Variants in MS4A4A observed in about 807,000 individuals in gnomAD.
MS4A4A encodes the protein membrane-spanning 4-domains subfamily A member 4A.
In MS4A4A, 26 loss-of-function variants were observed where a neutral mutation model predicts 28.0. The ratio of observed to expected loss-of-function variants is 0.93; its 90% CI spans 0.68 to 1.29. The LOEUF is 1.29. MS4A4A is among the 50% of genes most tolerant of loss of function. The pLI, the probability that MS4A4A is intolerant of heterozygous loss-of-function variation, is 0.00. For synonymous variants in MS4A4A, 86 were observed against 100.8 expected (o/e 0.85, Z 0.88); for missense variants, 290 against 293.1 (o/e 0.99, Z 0.08).
chr11:60,300,972 T>C (rs1439945449), intron 3 of MS4A4A, 29 bp from the exon 4 acceptor site: 1 of 1,557,092 alleles, frequency 6.4e-7, no homozygotes, highest in Admixed American at 1.8e-5. Context: ...CTTAAAGTTT[T>C]TTACCTTCAT....
intron 2 of MS4A4A, among the ~76,000 whole-genome samples, chr11:60,294,909 T>A (rs1476672603): frequency 1.5e-5 from 2 of 136,304 alleles, no homozygotes; most frequent in Non-Finnish European, 3.2e-5. Context: ...CTTCTTCTTC[T>A]TCTTCTTCTT....
chr11:60,294,136 T>C (rs1343860294), intron 2 of MS4A4A, among the ~76,000 whole-genome samples: 4 of 152,234 alleles, frequency 2.6e-5, no homozygotes, highest in Admixed American at 2.6e-4. Flanking sequence ...GCCAGTGTTC[T>C]GGATTTTTAC....
chr11:60,303,455 C>T (rs1032840326), intron 5 of MS4A4A, among the ~76,000 whole-genome samples: 3 of 152,152 alleles, frequency 2.0e-5, no homozygotes, highest in East Asian at 1.9e-4. Flanking sequence ...CGCCTGTAAT[C>T]CCAGCACTTT....
chr11:60,285,147 G>A (rs1044234402), intron 1 of MS4A4A, among the ~76,000 whole-genome samples: 1 of 151,986 alleles, frequency 6.6e-6, no homozygotes, highest in Non-Finnish European at 1.5e-5. Flanking sequence ...AGGGCTATGG[G>A]ACTGCAAGTG....
chr11:60,290,623 AT>A (rs1272518540), intron 1 of MS4A4A, among the ~76,000 whole-genome samples: 2 of 151,734 alleles, frequency 1.3e-5, no homozygotes, highest in African/African-American at 4.8e-5. Flanking sequence ...AGAAATACTT[AT>A]TTTATAATTT....
chr11:60,283,988 G>A (rs1293523280), intron 1 of MS4A4A, among the ~76,000 whole-genome samples: 1 of 151,544 alleles, frequency 6.6e-6, no homozygotes, highest in African/African-American at 2.4e-5. Flanking sequence ...TTCCAAATTG[G>A]GTGGTTTCTA....
chr11:60,304,535 T>G lies in MS4A4A; in HGVS notation c.547-1565T>G, dbSNP rs184727679. ...ACCTCCATAAGGGCTTCCTGGGATT[T>G]GAAGTAATGGTTCTATTCTTGCCTG... On this transcript the variant is annotated intron_variant, in intron 5 of 6. Transcript: ENST00000337908. Among the ~76,000 whole-genome samples, 954 of 152,354 alleles carry G rather than the reference T, an allele frequency of 6.3e-3. 41 individuals are homozygous for G. Among genetic ancestry groups the G allele is most frequent in the South Asian group, 1.4e-3 (7 of 4,828 alleles).
At chr11:60,299,148 AATG>A (rs1229404414) in intron 3 of MS4A4A, among the ~76,000 whole-genome samples, 1 of 152,210 alleles carries the variant, frequency 6.6e-6, no homozygotes, top group Non-Finnish European at 1.5e-5. Flanking sequence ...TTCTGTATAG[AATG>A]TTTTTCCAAG....
In MS4A4A at chr11:60,301,548, A is replaced by G. The variant is rs139332684; in HGVS notation, c.387+491A>G. 1.2e-4 allele frequency among the ~76,000 whole-genome samples: 18 copies of G among 152,354 alleles called. No individual in the cohort carries two copies. The East Asian group carries it at 3.3e-3, about 28-fold the overall frequency. ...CCAAGATGCCTTTCATAAAGCCAATACAATGCGAAAGTCCATATCTGAATA... is the reference window on the plus strand; with the variant it reads ...CCAAGATGCCTTTCATAAAGCCAATGCAATGCGAAAGTCCATATCTGAATA... On this transcript the variant is annotated intron_variant, in intron 4 of 6. Transcript: ENST00000337908.
chr11:60,293,521 A>G (rs1429166522), intron 2 of MS4A4A, among the ~76,000 whole-genome samples: 1 of 152,164 alleles, frequency 6.6e-6, no homozygotes, highest in Non-Finnish European at 1.5e-5. Flanking sequence ...ACATTGACAC[A>G]TCATTACTAA....
At chr11:60,292,887 A>G (rs983582101) in intron 2 of MS4A4A, among the ~76,000 whole-genome samples, 2 of 152,174 alleles carry the variant, frequency 1.3e-5, no homozygotes, top group Non-Finnish European at 1.5e-5. Context: ...GTGAAAGGAT[A>G]TTAAATATAG....
At chr11:60,288,539 G>A (rs1404283415) in intron 1 of MS4A4A, among the ~76,000 whole-genome samples, 1 of 152,100 alleles carries the variant, frequency 6.6e-6, no homozygotes, top group Non-Finnish European at 1.5e-5. Flanking sequence ...AGGGAAAGAG[G>A]GGTGCTCTGG....
chr11:60,288,546 C>G (rs931683288), intron 1 of MS4A4A, among the ~76,000 whole-genome samples: 1 of 152,084 alleles, frequency 6.6e-6, no homozygotes, highest in Non-Finnish European at 1.5e-5. Flanking sequence ...GAGGGGTGCT[C>G]TGGAGGCTTG....
rs200947019 is a variant in MS4A4A at position 60,302,709 on chromosome 11, A to C, written c.538A>C (p.Ile180Leu). ...AAATAATTGTCATGGGACTATGTCC[A>C]TCTTAATGGTTGGTACTGCCTCTTT... The part of the protein sequence containing the change: ...NSNNCHGTMS[I>L]LMGLDGMVLL... The change falls in exon 5 of 7, where the codon ATC becomes CTC. Residue 180 changes from isoleucine (I) to leucine (L), a missense_variant. Physicochemically the swap from Ile to Leu is conservative, Grantham distance 5. Transcript: ENST00000337908. The C allele has an allele frequency of 2.2e-4, 359 of 1,613,614 alleles. No homozygotes were observed. The highest frequency in any genetic ancestry group is 5.0e-4 in the Middle Eastern group (3 of 6,060).
chr11:60,300,478 T>C (rs1004517731), intron 3 of MS4A4A, among the ~76,000 whole-genome samples: 5 of 151,674 alleles, frequency 3.3e-5, no homozygotes, highest in Non-Finnish European at 4.4e-5. Flanking sequence ...TAGCCCAGCG[T>C]AGTGGCGGGC....
Position 60,302,731 on chromosome 11 carries a change from CT to C in MS4A4A, c.546+18del, listed in dbSNP as rs2084964453. On this transcript the variant is annotated intron_variant, in intron 5 of 6. Coordinates refer to ENST00000337908, the MANE Select transcript of MS4A4A (RefSeq NM_148975.3). ...TCCATCTTAATGGTTGGTACTGCCT[CT>C]TTTCAGGGGATATTATTATAGAAGC... The C allele has an allele frequency of 6.2e-7, 1 of 1,610,350 alleles. No individual in the cohort carries two copies. Among genetic ancestry groups the C allele is most frequent in the Admixed American group, 1.7e-5 (1 of 59,918 alleles).
chr11:60,300,615 C>CAAAAAAAAAAAA (rs760648433), intron 3 of MS4A4A, among the ~76,000 whole-genome samples: 5 of 36,032 alleles, frequency 1.4e-4, no homozygotes, highest in Non-Finnish European at 2.1e-4. Context: ...GACTCCGTCT[C>CAAAAAAAAAAAA]AAAAAAAAAA....
chr11:60,303,886 A>G (rs1007462360), intron 5 of MS4A4A, among the ~76,000 whole-genome samples: 1 of 152,184 alleles, frequency 6.6e-6, no homozygotes, highest in Non-Finnish European at 1.5e-5. Flanking sequence ...AATCAGTTGC[A>G]TTCTGTTTAC....
At chr11:60,290,367 G>A (rs956863990) in intron 1 of MS4A4A, 1 of 153,072 alleles carries the variant, frequency 6.5e-6, no homozygotes, top group Non-Finnish European at 1.5e-5. Context: ...TTATCATCAT[G>A]TAATCTTTGT....
Sources: allele counts gnomAD v4.1 joint callset (sites outside exome capture counted in the v4.1 genomes callset), GRCh38; gene constraint gnomAD v4.1.1; transcripts MANE v1.5; gene names NCBI Gene and HGNC (gene_info 2026-07-23, HGNC 2026-07-21).